Variants in SCRIB observed in about 807,000 individuals in gnomAD.
The protein encoded by SCRIB is protein scribble homolog.
In SCRIB, 72 loss-of-function variants were observed where a neutral mutation model predicts 170.0. That is an observed-to-expected ratio of 0.42 (90% CI 0.35 to 0.52). The LOEUF (loss-of-function observed/expected upper bound fraction) is 0.52. Among genes scored for constraint, SCRIB ranks in the 20% least tolerant of loss-of-function variants. SCRIB has a pLI of 0.02. For synonymous variants in SCRIB, 1,298 were observed against 1,044.3 expected, an observed-to-expected ratio of 1.24 and a Z score of -4.68; for missense variants, 2,475 against 2,338.5, an observed-to-expected ratio of 1.06 and a Z score of -1.20.
intron 18 of SCRIB, among the ~76,000 whole-genome samples, chr8:143,805,927 C>A (rs562704456): frequency 2.0e-4 from 30 of 152,326 alleles, no homozygotes; most frequent in African/African-American, 7.2e-4. Flanking sequence ...CTCAGTGTGT[C>A]CCTACAAGAA....
In SCRIB at chr8:143,805,497, G is replaced by C. The variant is rs540549835; in HGVS notation, c.2347-62C>G. The stretch of plus-strand genomic sequence containing the variant: ...GTGCCGCCACAGACAGCCACGTGCT[G>C]GGGGCTCCACACGCTCCCTCCAGGA... On this transcript the variant is annotated intron_variant, in intron 18 of 36. Transcript: ENST00000356994. 1.1e-5 allele frequency: 16 copies of C among 1,405,520 alleles called. No individual in the cohort carries two copies. The African/African-American group carries it at 1.9e-4, about 17-fold the overall frequency. The allele number at this position is 1,405,520 out of a possible 1,614,324, so 87.1% of individuals were successfully genotyped here.
At position 143,809,620 on chromosome 8, in the gene SCRIB, T is replaced by C; in HGVS notation, c.1629A>G (p.Ala543=). ...EAEPEGPSAE[A]QGGSQQEATT... is the part of the protein sequence containing the mutation. ...TGGCTTCCTGCTGGCTCCCACCCTG[T>C]GCCTCAGCCGACGGGCCCTCGGGCT... Residue 543 remains alanine (A), a synonymous_variant, in exon 14 of 37, where the codon GCA becomes GCG. Coordinates refer to ENST00000356994, the MANE Select transcript of SCRIB (RefSeq NM_182706.5). 2 of 1,611,216 alleles carry C rather than the reference T, an allele frequency of 1.2e-6. No homozygotes were observed. Among genetic ancestry groups the C allele is most frequent in the South Asian group, 1.1e-5 (1 of 91,074 alleles).
At chr8:143,802,300 G>A (rs550548697) in intron 24 of SCRIB, among the ~76,000 whole-genome samples, 3 of 152,344 alleles carry the variant, frequency 2.0e-5, no homozygotes, top group Admixed American at 6.5e-5. Context: ...GGGCCCCCAC[G>A]CTGGCTGTGG....
At chr8:143,808,399 A>G (rs11136326) in intron 15 of SCRIB, among the ~76,000 whole-genome samples, 63,252 of 98,668 alleles carry the variant, frequency 0.64, 22,077 homozygotes, top group South Asian at 0.7. Flanking sequence ...GCAGGCCTGG[A>G]GTCCAAGCAT....
intron 24 of SCRIB, among the ~76,000 whole-genome samples, chr8:143,802,689 G>A (rs1171448587): frequency 6.6e-6 from 1 of 152,258 alleles, no homozygotes; most frequent in Non-Finnish European, 1.5e-5. Flanking sequence ...GGGCCCCTGG[G>A]ATGGCATGGG....
At position 143,809,618 on chromosome 8, in the gene SCRIB, T is replaced by C. The variant is rs940403207; in HGVS notation, c.1631A>G (p.Gln544Arg). Residue 544 changes from glutamine to arginine, a missense_variant, in exon 14 of 37, where the codon CAG becomes CGG. Coordinates refer to ENST00000356994, the MANE Select transcript of SCRIB (RefSeq NM_182706.5). Reference sequence around the variant, plus strand: ...CGTGGCTTCCTGCTGGCTCCCACCCTGTGCCTCAGCCGACGGGCCCTCGGG... The same window carrying C: ...CGTGGCTTCCTGCTGGCTCCCACCCCGTGCCTCAGCCGACGGGCCCTCGGG... ...AEPEGPSAEA[Q>R]GGSQQEATTA... The C allele has an allele frequency of 1.2e-6, 2 of 1,610,822 alleles. No individual in the cohort carries two copies. The highest frequency in any genetic ancestry group is 1.7e-6 in the Non-Finnish European group (2 of 1,179,934).
chr8:143,791,787 G>C (rs781983328), intron 34 of SCRIB, 47 bp from the exon 35 acceptor site: 11 of 1,507,534 alleles, frequency 7.3e-6, no homozygotes, highest in South Asian at 2.3e-5. Flanking sequence ...AGAGGAAAGG[G>C]GGGGATGAGG....
At chr8:143,793,873 G>A (rs1554633550) in intron 28 of SCRIB, 27 bp downstream of exon 28, 1 of 1,610,486 alleles carries the variant, frequency 6.2e-7, no homozygotes, top group Non-Finnish European at 8.5e-7. Flanking sequence ...CCACCATGGG[G>A]CACACCCGTT....
chr8:143,811,302 A>G lies in SCRIB; in HGVS notation c.950T>C (p.Leu317Pro). ...CTCGAGGTGGTTCCGGTCCACGTTG[A>G]GGTTGGTCAGCTTAGTCAGCTTTCC... The part of the protein sequence containing the change: ...SLGKLTKLTN[L>P]NVDRNHLEAL... Residue 317 changes from leucine (L) to proline (P), a missense_variant, in exon 10 of 37, where the codon CTC (leucine) becomes CCC (proline). By Grantham distance (98) the Leu-to-Pro change is moderately conservative. Coordinates refer to ENST00000356994, the MANE Select transcript of SCRIB (RefSeq NM_182706.5). The G allele has an allele frequency of 6.2e-7, 1 of 1,612,760 alleles. No homozygotes were observed. The highest frequency in any genetic ancestry group is 8.5e-7 in the Non-Finnish European group (1 of 1,179,890).
Position 143,792,002 on chromosome 8 carries a change from G to T in SCRIB, c.4646C>A (p.Thr1549Asn). The T allele has an allele frequency of 6.6e-7, 1 of 1,526,120 alleles. No homozygotes were observed. The highest frequency in any genetic ancestry group is 8.8e-7 in the Non-Finnish European group (1 of 1,138,340). 94.5% of individuals were successfully genotyped at this position (1,526,120 alleles called of 1,614,324 possible). A position where few individuals can be genotyped will look rare whatever the true frequency, so the allele number is the denominator to read the frequency against. The change falls in exon 33 of 37, where the codon ACC becomes AAC. Residue 1549 changes from threonine (T) to asparagine (N), a missense_variant. By Grantham distance (65) the Thr-to-Asn change is moderately conservative (BLOSUM62 0). Coordinates refer to ENST00000356994, the MANE Select transcript of SCRIB (RefSeq NM_182706.5). ...CCTGACCCACAGACCTTCCACAGGG[G>T]TGGGCGACGGGGTGGGCGCAGGGGA... ...APSPAPTPSPTPVEDLGPQTS... is the reference protein window; with the variant it reads ...APSPAPTPSPNPVEDLGPQTS...
chr8:143,801,408 G>C lies in SCRIB; in HGVS notation c.3603+1975C>G, dbSNP rs565569568. Among the ~76,000 whole-genome samples the C allele has an allele frequency of 4.6e-5, 7 of 152,312 alleles. No homozygotes were observed. In the South Asian group the frequency reaches 1.5e-3, roughly 32 times the overall value. ...GTTTAAACTTCCAGAAATACTAGAAGAAAACATGACAATGTTTTTGTAATC... is the reference window on the plus strand; with the variant it reads ...GTTTAAACTTCCAGAAATACTAGAACAAAACATGACAATGTTTTTGTAATC... On this transcript the variant is annotated intron_variant, in intron 24 of 36. Transcript: ENST00000356994.
intron 18 of SCRIB, among the ~76,000 whole-genome samples, chr8:143,805,868 G>A (rs782775556): frequency 9.2e-5 from 14 of 152,182 alleles, no homozygotes; most frequent in Non-Finnish European, 1.6e-4. Flanking sequence ...CGCAGCATAT[G>A]AGCCCTGGGC....
intron 1 of SCRIB, chr8:143,814,885 C>G: frequency 3.1e-6 from 1 of 325,462 alleles, no homozygotes; most frequent in Non-Finnish European, 5.7e-6. Context: ...CAGAGCGGCC[C>G]AAGAAGCTAG....
chr8:143,792,565 G>C lies in SCRIB; in HGVS notation c.4248C>G (p.Leu1416=), dbSNP rs782053756. The change falls in exon 31 of 37, where the codon CTC becomes CTG. Residue 1416 remains leucine, a synonymous_variant. Coordinates refer to ENST00000356994, the MANE Select transcript of SCRIB (RefSeq NM_182706.5). ...CGCCCAGCGTCTCCCCGTCCAGGGC[G>C]AGCCTCGCTTCGGCCCCAGCCTCTG... ...EAAEAGAEAR[L]ALDGETLGEE... 2.5e-6 allele frequency: 4 copies of C among 1,574,268 alleles called. No homozygotes were observed. The African/African-American group carries it at 4.0e-5, about 16-fold the overall frequency.
rs1303314484 is a variant in SCRIB at position 143,810,552 on chromosome 8, C to A, written c.1457G>T (p.Arg486Met). 6.2e-7 allele frequency: 1 copy of A among 1,613,546 alleles called. No homozygotes were observed. The highest frequency in any genetic ancestry group is 8.5e-7 in the Non-Finnish European group (1 of 1,179,994). ...CTCGCTCCGCCGCCCCTCGATGCTCCTCTTCATCACCTTGAGCTCGCTGGG... is the reference window on the plus strand; with the variant it reads ...CTCGCTCCGCCGCCCCTCGATGCTCATCTTCATCACCTTGAGCTCGCTGGG... ...PHPSELKVMK[R>M]SIEGRRSEAC... The change falls in exon 13 of 37, where the codon AGG becomes ATG. Residue 486 changes from arginine to methionine, a missense_variant. Physicochemically the swap from Arg to Met is moderately conservative, Grantham distance 91. Around this residue, in one of 3 missense-constraint regions of SCRIB, gnomAD observed 1,966 missense variants for 1,742.9 expected, o/e 1.13. Transcript: ENST00000356994.
At chr8:143,810,319 G>C (rs1815648029) in intron 13 of SCRIB, among the ~76,000 whole-genome samples, 160 bp downstream of exon 13, 1 of 152,110 alleles carries the variant, frequency 6.6e-6, no homozygotes, top group African/African-American at 2.4e-5. Context: ...CCTTCACCCA[G>C]CTGGCCCTGC....
chr8:143,812,230 G>C, intron 9 of SCRIB, 36 bp downstream of exon 9: 1 of 1,346,474 alleles, frequency 7.4e-7, no homozygotes, highest in Admixed American at 1.7e-5. Context: ...CACCCCCGAC[G>C]GCCCCATCCT....
rs754303437 is a variant in SCRIB at position 143,810,509 on chromosome 8, T to C, written c.1500A>G (p.Pro500=). The C allele has an allele frequency of 1.2e-6, 2 of 1,611,926 alleles. No individual in the cohort carries two copies. Among genetic ancestry groups the C allele is most frequent in the East Asian group, 2.2e-5 (1 of 44,864 alleles). Residue 500 remains proline, a synonymous_variant, in exon 13 of 37, where the codon CCA becomes CCG. Coordinates refer to ENST00000356994, the MANE Select transcript of SCRIB (RefSeq NM_182706.5). The stretch of plus-strand genomic sequence containing the variant: ...CTGCAGGCAAGGGCGACCCAGAGTC[T>C]GGCTGGCAAGGGCAGGCCTCGCTCC... The part of the protein sequence containing the change: ...GRRSEACPCQ[P]DSGSPLPAEE...
chr8:143,815,026 C>T, intron 1 of SCRIB, 188 bp downstream of exon 1: 1 of 636,058 alleles, frequency 1.6e-6, no homozygotes, highest in Non-Finnish European at 2.5e-6. Context: ...CACCTGATGA[C>T]CGCTGCCACC....
Sources: gnomAD v4.1 joint callset for allele counts (sites outside exome capture counted in the v4.1 genomes callset) on GRCh38, gnomAD v4.1.1 for gene constraint, gnomAD v4.1.1 regional missense constraint, MANE v1.5 for transcripts, NCBI Gene and HGNC (gene_info 2026-07-23, HGNC 2026-07-21) for gene names.